Variants in NRXN3 observed in about 807,000 individuals in gnomAD.
The protein encoded by NRXN3 is neurexin III.
In NRXN3, 32 loss-of-function variants were observed where a neutral mutation model predicts 137.6. That is an observed-to-expected ratio of 0.23 (90% CI 0.18 to 0.31). The LOEUF (loss-of-function observed/expected upper bound fraction) is 0.31, where lower values mean the gene tolerates loss of function less well. Among genes scored for constraint, NRXN3 ranks in the 10% least tolerant of loss-of-function variants. The pLI is 1.00. For missense variants in NRXN3, 1,574 were observed against 2,062.5 expected (o/e 0.76, Z 4.59); for synonymous variants, 798 against 784.5 (o/e 1.02, Z -0.29).
At chr14:79,455,671 T>A (rs1308864565) in intron 15 of NRXN3, among the ~76,000 whole-genome samples, 1 of 152,136 alleles carries the variant, frequency 6.6e-6, no homozygotes, top group Non-Finnish European at 1.5e-5. Flanking sequence ...TTTAAAGTTG[T>A]ACAAAGTATG....
chr14:78,491,756 G>A (rs1458757795), intron 4 of NRXN3, among the ~76,000 whole-genome samples: 1 of 152,096 alleles, frequency 6.6e-6, no homozygotes, highest in Non-Finnish European at 1.5e-5. Context: ...AGATGTGGGC[G>A]ATTCAAATTG....
At chr14:79,496,086 C>T (rs1295425849) in intron 16 of NRXN3, among the ~76,000 whole-genome samples, 2 of 152,002 alleles carry the variant, frequency 1.3e-5, no homozygotes, top group African/African-American at 4.8e-5. Flanking sequence ...AAATGATGTT[C>T]GTAATCCAGT....
At chr14:78,642,097 G>T (rs1400029581) in intron 4 of NRXN3, among the ~76,000 whole-genome samples, 2 of 152,200 alleles carry the variant, frequency 1.3e-5, no homozygotes, top group African/African-American at 4.8e-5. Flanking sequence ...TCAATGCACA[G>T]TTCCATGGAA....
At chr14:78,602,227 T>C (rs1053057301) in intron 4 of NRXN3, among the ~76,000 whole-genome samples, 1 of 151,756 alleles carries the variant, frequency 6.6e-6, no homozygotes, top group African/African-American at 2.4e-5. Flanking sequence ...ACATGTAGGG[T>C]ATATAGGCTT....
chr14:78,477,223 G>A (rs2153734835), intron 4 of NRXN3, among the ~76,000 whole-genome samples: 1 of 152,028 alleles, frequency 6.6e-6, no homozygotes, highest in South Asian at 2.1e-4. Context: ...CCATACCATT[G>A]GGTCTTCTTT....
chr14:79,448,189 C>A (rs2096097445), intron 15 of NRXN3, among the ~76,000 whole-genome samples: 1 of 152,140 alleles, frequency 6.6e-6, no homozygotes, highest in Non-Finnish European at 1.5e-5. Flanking sequence ...CCTTTTAAAG[C>A]CCTTTACCCT....
At chr14:79,614,385 CTT>C (rs11326859) in intron 16 of NRXN3, among the ~76,000 whole-genome samples, 3 of 150,760 alleles carry the variant, frequency 2.0e-5, no homozygotes, top group African/African-American at 7.3e-5. Context: ...CCTTCATGAA[CTT>C]TTTTTTTTCC....
At chr14:79,157,348 G>A (rs1412728014) in intron 15 of NRXN3, among the ~76,000 whole-genome samples, 3 of 151,780 alleles carry the variant, frequency 2.0e-5, no homozygotes, top group Non-Finnish European at 4.4e-5. Flanking sequence ...CAAGCTCAGT[G>A]GTTACTGAAG....
At chr14:78,891,524 C>T (rs1035352849) in intron 10 of NRXN3, among the ~76,000 whole-genome samples, 4 of 151,968 alleles carry the variant, frequency 2.6e-5, no homozygotes, top group Admixed American at 6.6e-5. Flanking sequence ...AAAATTCCCA[C>T]GCTTCCCTGT....
chr14:78,702,101 G>A (rs1451148029), intron 6 of NRXN3, among the ~76,000 whole-genome samples: 2 of 152,108 alleles, frequency 1.3e-5, no homozygotes, highest in African/African-American at 4.8e-5. Context: ...ACCATCTGCT[G>A]CCACATTTGT....
intron 4 of NRXN3, among the ~76,000 whole-genome samples, chr14:78,349,471 C>T (rs769932111): frequency 3.3e-5 from 5 of 152,180 alleles, no homozygotes; most frequent in African/African-American, 4.8e-5. Flanking sequence ...TCTTCCTTTC[C>T]GAGTCCCCAT....
rs561751208 is a variant in NRXN3, at chr14:79,052,692, C to T, written c.3262+64551C>T. On this transcript the variant is annotated intron_variant, in intron 15 of 20. Transcript: ENST00000335750. ...ATAGTCTTGTCTCATAGACTCCCAT[C>T]TCATGAGGAATTATCTCAAGTAAGT... Among the ~76,000 whole-genome samples, 4 of 152,354 alleles carry T rather than the reference C, an allele frequency of 2.6e-5. No homozygotes were observed. The East Asian group carries it at 5.8e-4, about 22-fold the overall frequency.
At chr14:79,509,828 G>A (rs561611065) in intron 16 of NRXN3, among the ~76,000 whole-genome samples, 2 of 152,108 alleles carry the variant, frequency 1.3e-5, no homozygotes, top group South Asian at 2.1e-4. Context: ...AAAAATCAAA[G>A]TTAGGACACA....
At chr14:78,323,407 T>A (rs1035825964) in intron 4 of NRXN3, among the ~76,000 whole-genome samples, 1 of 151,976 alleles carries the variant, frequency 6.6e-6, no homozygotes. Context: ...ATAGCTTGGG[T>A]AAGACGCAGC....
intron 8 of NRXN3, among the ~76,000 whole-genome samples, chr14:78,759,629 C>G (rs575028623): frequency 1.3e-5 from 2 of 152,156 alleles, no homozygotes; most frequent in African/African-American, 2.4e-5. Flanking sequence ...AGCCCTGACT[C>G]TAAGCAGCCA....
intron 16 of NRXN3, among the ~76,000 whole-genome samples, chr14:79,595,647 A>G (rs1390124725): frequency 6.6e-6 from 1 of 152,228 alleles, no homozygotes; most frequent in African/African-American, 2.4e-5. Context: ...GCTGTTAAGT[A>G]TAAAAATATA....
At chr14:78,381,786 G>C (rs1431942504) in intron 4 of NRXN3, among the ~76,000 whole-genome samples, 4 of 152,156 alleles carry the variant, frequency 2.6e-5, no homozygotes, top group East Asian at 3.9e-4. Flanking sequence ...TCCATAAACT[G>C]GGTGAATCCC....
chr14:79,440,379 A>G (rs1238615537), intron 15 of NRXN3, among the ~76,000 whole-genome samples: 1 of 152,348 alleles, frequency 6.6e-6, no homozygotes, highest in East Asian at 1.9e-4. Flanking sequence ...ATTGTTTCTT[A>G]AAGATTGACA....
intron 4 of NRXN3, among the ~76,000 whole-genome samples, chr14:78,427,530 G>A (rs1366736175): frequency 6.6e-6 from 1 of 152,146 alleles, no homozygotes; most frequent in African/African-American, 2.4e-5. Context: ...TAATGAATCT[G>A]GCATTTATGT....
Sources: allele counts gnomAD v4.1 joint callset (sites outside exome capture counted in the v4.1 genomes callset), GRCh38; gene constraint gnomAD v4.1.1; transcripts MANE v1.5; gene names NCBI Gene and HGNC (gene_info 2026-07-23, HGNC 2026-07-21).